The following AFF3 variants were observed in gnomAD, a reference collection of about 807,000 sequenced individuals.
AFF3 encodes AF4/FMR2 family member 3.
Under a neutral mutation model 129.7 loss-of-function variants are expected in AFF3, and 32 were observed. The observed-to-expected ratio is 0.25, with a 90% confidence interval of 0.19 to 0.33. The LOEUF (loss-of-function observed/expected upper bound fraction) is 0.33. AFF3 is among the 10% of genes least tolerant of loss of function. The pLI is 1.00. For synonymous variants in AFF3, 644 were observed against 635.4 expected, an observed-to-expected ratio of 1.01 and a Z score of -0.20; for missense variants, 1,373 against 1,592.0, an observed-to-expected ratio of 0.86 and a Z score of 2.34.
In AFF3 at chr2:99,643,891, T is replaced by C. The variant is rs117431997; in HGVS notation, c.1184+5735A>G. ...TACTCCCTAATGGGCAACAAGGAGA[T>C]TGGATGTGTGAGATTTATTTGAGAA... On this transcript the variant is annotated intron_variant, in intron 13 of 24. Coordinates refer to ENST00000672756, the MANE Select transcript of AFF3 (RefSeq NM_001386135.1). Among the ~76,000 whole-genome samples the C allele has an allele frequency of 2.6e-3, 400 of 152,266 alleles. 13 individuals carry two copies. In the East Asian group the frequency reaches 0.051, roughly 19 times the overall value.
chr2:100,076,678 T>C (rs996173283), intron 4 of AFF3, among the ~76,000 whole-genome samples: 3 of 152,292 alleles, frequency 2.0e-5, no homozygotes, highest in African/African-American at 7.2e-5. Flanking sequence ...CTTTTTCCAT[T>C]TTCTCCCCTT....
intron 7 of AFF3, among the ~76,000 whole-genome samples, chr2:99,928,302 G>A (rs1015662741): frequency 1.3e-5 from 2 of 152,110 alleles, no homozygotes; most frequent in African/African-American, 4.8e-5. Context: ...AAATCTCAAC[G>A]CAGCAGGTAA....
intron 12 of AFF3, among the ~76,000 whole-genome samples, chr2:99,668,763 T>G (rs972629206): frequency 6.6e-6 from 1 of 152,014 alleles, no homozygotes; most frequent in African/African-American, 2.4e-5. Flanking sequence ...GGTTTCTTCA[T>G]GTTGGTCAGG....
chr2:99,694,700 A>G (rs1676022954), intron 11 of AFF3, among the ~76,000 whole-genome samples: 1 of 151,976 alleles, frequency 6.6e-6, no homozygotes, highest in Non-Finnish European at 1.5e-5. Flanking sequence ...CAAAAACCCA[A>G]CGAATTTTTT....
chr2:99,858,427 T>C (rs1333144299), intron 7 of AFF3, among the ~76,000 whole-genome samples: 1 of 150,110 alleles, frequency 6.7e-6, no homozygotes, highest in Non-Finnish European at 1.5e-5. Context: ...GGCATGCACC[T>C]GTAGTTCTAG....
chr2:100,130,634 C>T (rs1386295514), intron 1 of AFF3, among the ~76,000 whole-genome samples: 1 of 152,184 alleles, frequency 6.6e-6, no homozygotes, highest in African/African-American at 2.4e-5. Context: ...GTTTCAAATA[C>T]TGATTTCCAG....
intron 4 of AFF3, among the ~76,000 whole-genome samples, chr2:100,024,440 T>C (rs1385290172): frequency 6.9e-6 from 1 of 145,306 alleles, no homozygotes; most frequent in Non-Finnish European, 1.5e-5. Flanking sequence ...CCGTCTCTAC[T>C]AACAAAAAAA....
intron 12 of AFF3, among the ~76,000 whole-genome samples, chr2:99,670,834 A>G (rs912690720): frequency 2.0e-5 from 3 of 152,226 alleles, no homozygotes; most frequent in African/African-American, 7.2e-5. Context: ...TTGCAAAAAT[A>G]GGAAGGTATA....
intron 13 of AFF3, among the ~76,000 whole-genome samples, chr2:99,636,409 T>A (rs1175316708): frequency 6.6e-6 from 1 of 152,164 alleles, no homozygotes; most frequent in Non-Finnish European, 1.5e-5. Flanking sequence ...AAAGGGGCCA[T>A]GGACTCACCC....
At chr2:99,915,372 C>T (rs1283142694) in intron 7 of AFF3, among the ~76,000 whole-genome samples, 1 of 152,106 alleles carries the variant, frequency 6.6e-6, no homozygotes, top group Non-Finnish European at 1.5e-5. Context: ...AACATCACTA[C>T]ACGTTATTTA....
intron 16 of AFF3, among the ~76,000 whole-genome samples, chr2:99,583,642 C>T (rs1213131942): frequency 6.6e-6 from 1 of 152,168 alleles, no homozygotes; most frequent in Non-Finnish European, 1.5e-5. Flanking sequence ...TCCCAAAGTG[C>T]TGGGATTACA....
At chr2:99,994,650 G>C (rs1209712236) in intron 7 of AFF3, among the ~76,000 whole-genome samples, 1 of 152,112 alleles carries the variant, frequency 6.6e-6, no homozygotes, top group Non-Finnish European at 1.5e-5. Flanking sequence ...GGGAAAACTA[G>C]AAAAGGATAT....
chr2:99,773,389 T>C (rs1350492868), intron 8 of AFF3, among the ~76,000 whole-genome samples: 1 of 152,202 alleles, frequency 6.6e-6, no homozygotes, highest in African/African-American at 2.4e-5. Flanking sequence ...TGCTGTAATA[T>C]AAACTCATAT....
chr2:99,776,026 A>C (rs1158010456), intron 8 of AFF3, among the ~76,000 whole-genome samples: 1 of 152,226 alleles, frequency 6.6e-6, no homozygotes, highest in African/African-American at 2.4e-5. Flanking sequence ...AAGCTTCTAC[A>C]GTAGAACGAT....
intron 4 of AFF3, among the ~76,000 whole-genome samples, chr2:100,079,756 G>T (rs1023634468): frequency 6.6e-6 from 1 of 152,124 alleles, no homozygotes; most frequent in Admixed American, 6.5e-5. Flanking sequence ...TCCTGTACTA[G>T]TGTTTGCTCC....
intron 4 of AFF3, among the ~76,000 whole-genome samples, chr2:100,017,633 C>T (rs529761675): frequency 4.6e-5 from 7 of 152,314 alleles, no homozygotes; most frequent in African/African-American, 1.7e-4. Context: ...GTCATCCTCC[C>T]AGGCCCATCT....
At chr2:99,585,820 C>G (rs1250094742) in intron 16 of AFF3, among the ~76,000 whole-genome samples, 1 of 152,188 alleles carries the variant, frequency 6.6e-6, no homozygotes, top group Non-Finnish European at 1.5e-5. Context: ...CCTCTGCCTC[C>G]CGGGTTTGAG....
chr2:99,769,904 CA>C (rs2105319094), intron 8 of AFF3, among the ~76,000 whole-genome samples: 1 of 152,292 alleles, frequency 6.6e-6, no homozygotes, highest in Non-Finnish European at 1.5e-5. Flanking sequence ...GTGACATAAG[CA>C]CCCCTGTGGC....
chr2:99,918,146 C>A (rs1431561735), intron 7 of AFF3, among the ~76,000 whole-genome samples: 1 of 152,116 alleles, frequency 6.6e-6, no homozygotes, highest in Non-Finnish European at 1.5e-5. Flanking sequence ...TTACTGGTTG[C>A]AGTTACAAAA....
Sources: allele counts gnomAD v4.1 joint callset (sites outside exome capture counted in the v4.1 genomes callset), GRCh38; gene constraint gnomAD v4.1.1; transcripts MANE v1.5; gene names NCBI Gene and HGNC (gene_info 2026-07-23, HGNC 2026-07-21).